The following ATP8A2 variants were observed in gnomAD, a reference collection of about 807,000 sequenced individuals.
ATP8A2 encodes the protein ATPase phospholipid transporting 8A2.
Under a neutral mutation model 165.6 loss-of-function variants are expected in ATP8A2, and 100 were observed. That is an observed-to-expected ratio of 0.60 (90% CI 0.51 to 0.71). The LOEUF is 0.71. ATP8A2 is among the 30% of genes least tolerant of loss of function. The pLI, the probability that ATP8A2 is intolerant of heterozygous loss-of-function variation, is 0.00. For missense variants in ATP8A2, 1,227 were observed against 1,479.5 expected (o/e 0.83, Z 2.80); for synonymous variants, 543 against 548.8 (o/e 0.99, Z 0.15).
intron 1 of ATP8A2, among the ~76,000 whole-genome samples, chr13:25,424,622 G>A (rs147661479): frequency 1.0e-3 from 158 of 152,222 alleles, no homozygotes; most frequent in African/African-American, 3.6e-3. Context: ...AAAACACTCC[G>A]CCAAACTTCT....
At chr13:25,945,811 C>T (rs964519824) in intron 33 of ATP8A2, among the ~76,000 whole-genome samples, 1 of 152,170 alleles carries the variant, frequency 6.6e-6, no homozygotes, top group African/African-American at 2.4e-5. Context: ...GGCTCAGACG[C>T]CTGGTACTGT....
chr13:25,450,449 T>G (rs1441751655), intron 1 of ATP8A2, among the ~76,000 whole-genome samples: 1 of 152,190 alleles, frequency 6.6e-6, no homozygotes, highest in Non-Finnish European at 1.5e-5. Context: ...CAGAAGTGTA[T>G]AAGTGTTCCT....
At chr13:25,722,458 G>A (rs1036495100) in intron 25 of ATP8A2, among the ~76,000 whole-genome samples, 1 of 152,174 alleles carries the variant, frequency 6.6e-6, no homozygotes, top group African/African-American at 2.4e-5. Context: ...ATTGGCCTCA[G>A]CCTTGCATTC....
chr13:25,759,943 T>A (rs1407406311), intron 25 of ATP8A2, among the ~76,000 whole-genome samples: 4 of 152,226 alleles, frequency 2.6e-5, no homozygotes. Flanking sequence ...TCTGTTTTTG[T>A]GGACATGCGA....
chr13:25,928,342 G>T (rs756379548), intron 33 of ATP8A2, among the ~76,000 whole-genome samples: 1 of 152,154 alleles, frequency 6.6e-6, no homozygotes, highest in East Asian at 1.9e-4. Context: ...CATTTATTCC[G>T]TTGACTTCTC....
At chr13:25,443,420 A>G (rs914819299) in intron 1 of ATP8A2, among the ~76,000 whole-genome samples, 9 of 152,222 alleles carry the variant, frequency 5.9e-5, no homozygotes, top group African/African-American at 2.2e-4. Context: ...TCTGTCTGAC[A>G]AAGTAAAAAA....
intron 33 of ATP8A2, among the ~76,000 whole-genome samples, chr13:25,884,689 C>T (rs933533533): frequency 1.3e-5 from 2 of 152,332 alleles, no homozygotes; most frequent in South Asian, 2.1e-4. Flanking sequence ...TTACTCTAAC[C>T]TTGGCCTGAG....
chr13:25,895,199 G>A (rs1404558041), intron 33 of ATP8A2, among the ~76,000 whole-genome samples: 1 of 152,130 alleles, frequency 6.6e-6, no homozygotes, highest in Non-Finnish European at 1.5e-5. Flanking sequence ...ATTATTTTGA[G>A]ATATGTCCCA....
intron 33 of ATP8A2, among the ~76,000 whole-genome samples, chr13:25,954,442 T>C (rs1321815754): frequency 2.0e-5 from 3 of 152,054 alleles, no homozygotes; most frequent in African/African-American, 7.2e-5. Flanking sequence ...TCAGCAGACT[T>C]AAACGTTCTT....
Position 25,921,589 on chromosome 13 carries a change from C to T in ATP8A2, c.3184-39986C>T, listed in dbSNP as rs533339283. On this transcript the variant is annotated intron_variant, in intron 33 of 36. Transcript: ENST00000381655. ...AGTGAGCCAAGATTGCGCCATTGCA[C>T]TCCAGCCTGGCAACAGAGCTAGACT... 2.7e-5 allele frequency among the ~76,000 whole-genome samples: 4 copies of T among 147,152 alleles called. No individual in the cohort carries two copies. The South Asian group carries it at 8.6e-4, about 32-fold the overall frequency.
In ATP8A2 at chr13:25,750,072, G is replaced by A. The variant is rs1481418356; in HGVS notation, c.2385-18974G>A. Among the ~76,000 whole-genome samples, 1 of 152,124 alleles carries A rather than the reference G, an allele frequency of 6.6e-6. No homozygotes were observed. Among genetic ancestry groups the A allele is most frequent in the Non-Finnish European group, 1.5e-5 (1 of 68,024 alleles). On this transcript the variant is annotated intron_variant, in intron 25 of 36. Coordinates refer to ENST00000381655, the MANE Select transcript of ATP8A2 (RefSeq NM_016529.6). The surrounding 1 kb of genome is among the most constrained non-coding windows in gnomAD (Gnocchi z 4.3). ...TGTATGTGAGCTCCTGTTTGTATACGAAACAACCAAGTTCATCTTTAGAAA... is the reference window on the plus strand; with the variant it reads ...TGTATGTGAGCTCCTGTTTGTATACAAAACAACCAAGTTCATCTTTAGAAA...
intron 15 of ATP8A2, among the ~76,000 whole-genome samples, chr13:25,563,217 C>T (rs965439643): frequency 6.6e-6 from 1 of 152,142 alleles, no homozygotes; most frequent in Non-Finnish European, 1.5e-5. Flanking sequence ...TGAGACCAGC[C>T]TGACCGACAT....
intron 33 of ATP8A2, among the ~76,000 whole-genome samples, chr13:25,899,865 C>A (rs898049162): frequency 6.6e-6 from 1 of 152,136 alleles, no homozygotes; most frequent in Non-Finnish European, 1.5e-5. Context: ...CCAAAGCTCA[C>A]CCTGCCTCTC....
intron 33 of ATP8A2, among the ~76,000 whole-genome samples, chr13:25,943,522 G>A (rs1157814155): frequency 4.6e-5 from 7 of 152,150 alleles, no homozygotes; most frequent in Non-Finnish European, 1.5e-5. Flanking sequence ...ATAAAAGATA[G>A]CCTAGGTGTC....
intron 33 of ATP8A2, among the ~76,000 whole-genome samples, chr13:25,885,885 A>G (rs1953136152): frequency 6.6e-6 from 1 of 152,198 alleles, no homozygotes; most frequent in African/African-American, 2.4e-5. Context: ...TTAACCGTTA[A>G]TAACCAGGAT....
chr13:25,559,393 A>T (rs1231841272), intron 14 of ATP8A2, among the ~76,000 whole-genome samples: 1 of 152,134 alleles, frequency 6.6e-6, no homozygotes, highest in Non-Finnish European at 1.5e-5. Context: ...TTAGCTGGGC[A>T]TTGTGGCATG....
intron 33 of ATP8A2, among the ~76,000 whole-genome samples, chr13:25,871,486 C>T (rs1941904597): frequency 6.6e-6 from 1 of 152,036 alleles, no homozygotes; most frequent in African/African-American, 2.4e-5. Context: ...CAGAGAAAGG[C>T]CACCAAGTCC....
intron 24 of ATP8A2, among the ~76,000 whole-genome samples, chr13:25,635,369 A>G (rs1477067396): frequency 6.6e-6 from 1 of 152,186 alleles, no homozygotes; most frequent in East Asian, 1.9e-4. Flanking sequence ...GGAGTGTTCT[A>G]CTAAATATTT....
intron 33 of ATP8A2, among the ~76,000 whole-genome samples, chr13:25,895,817 G>A (rs1019659764): frequency 1.3e-5 from 2 of 152,188 alleles, no homozygotes; most frequent in African/African-American, 4.8e-5. Context: ...TAGTTTATTT[G>A]CATAGAGGTG....
Sources: allele counts gnomAD v4.1 joint callset (sites outside exome capture counted in the v4.1 genomes callset), GRCh38; gene constraint gnomAD v4.1.1; non-coding constraint Gnocchi (gnomAD v3.1); transcripts MANE v1.5; gene names NCBI Gene and HGNC (gene_info 2026-07-23, HGNC 2026-07-21).